GSK3B: variants seen among roughly 807,000 people sequenced by gnomAD.
GSK3B encodes the protein glycogen synthase kinase 3 beta, also known as glycogen synthase kinase-3 beta.
In GSK3B, 15 loss-of-function variants were observed where a neutral mutation model predicts 56.4. The observed-to-expected ratio is 0.27, with a 90% confidence interval of 0.18 to 0.41. The LOEUF (loss-of-function observed/expected upper bound fraction) is 0.41. GSK3B is among the 10% of genes least tolerant of loss of function. The pLI, the probability that GSK3B is intolerant of heterozygous loss-of-function variation, is 1.00. For synonymous variants in GSK3B, 181 were observed against 188.9 expected (o/e 0.96, Z 0.34); for missense variants, 300 against 513.4 (o/e 0.58, Z 4.02).
intron 8 of GSK3B, among the ~76,000 whole-genome samples, chr3:119,865,459 T>C (rs1320758671): frequency 5.0e-5 from 1 of 20,044 alleles, no homozygotes; most frequent in South Asian, 2.3e-3. Flanking sequence ...TATATATATA[T>C]ATATATATTT....
chr3:120,013,047 A>T (rs1241869295), intron 1 of GSK3B, among the ~76,000 whole-genome samples: 1 of 152,098 alleles, frequency 6.6e-6, no homozygotes, highest in Non-Finnish European at 1.5e-5. Context: ...TAATACACAC[A>T]GCCTAGTTCT....
intron 2 of GSK3B, among the ~76,000 whole-genome samples, chr3:119,995,660 G>A (rs1692636731): frequency 2.6e-5 from 4 of 151,402 alleles, no homozygotes; most frequent in Admixed American, 1.3e-4. Flanking sequence ...TCCTCACATC[G>A]TGATCCACCC....
intron 1 of GSK3B, among the ~76,000 whole-genome samples, chr3:120,048,180 A>T (rs1221534688): frequency 6.6e-6 from 1 of 152,244 alleles, no homozygotes; most frequent in Non-Finnish European, 1.5e-5. Flanking sequence ...ACCTCAACTT[A>T]TAGGAAAAGA....
intron 2 of GSK3B, among the ~76,000 whole-genome samples, chr3:119,979,800 T>C (rs996824556): frequency 1.3e-5 from 2 of 152,150 alleles, no homozygotes; most frequent in East Asian, 3.8e-4. Context: ...GCACCACAAA[T>C]CCCATTTTGG....
chr3:119,950,742 G>A (rs1280491514), intron 2 of GSK3B, among the ~76,000 whole-genome samples: 1 of 152,144 alleles, frequency 6.6e-6, no homozygotes, highest in Non-Finnish European at 1.5e-5. Flanking sequence ...TCTGGAAACT[G>A]AGCAAAGGCA....
rs547293372 is a variant in GSK3B, at chr3:120,074,743, C to A, written c.88+18604G>T. On this transcript the variant is annotated intron_variant, in intron 1 of 10. Transcript: ENST00000264235. The stretch of plus-strand genomic sequence containing the variant: ...ATAGAAAACCTAAATAGACCCATAA[C>A]AAACAAAAAGATTGAACCAGTGGTA... Among the ~76,000 whole-genome samples, 10 of 152,230 alleles carry A rather than the reference C, an allele frequency of 6.6e-5. No individual in the cohort carries two copies. In the South Asian group the frequency reaches 2.1e-3, roughly 32 times the overall value.
intron 6 of GSK3B, among the ~76,000 whole-genome samples, chr3:119,912,193 G>A (rs146394382): frequency 2.6e-5 from 4 of 152,230 alleles, no homozygotes; most frequent in Non-Finnish European, 5.9e-5. Flanking sequence ...GAGGCCTGAG[G>A]ATAGGAAGAG....
chr3:119,934,138 C>T (rs1365285058), intron 3 of GSK3B, among the ~76,000 whole-genome samples: 1 of 152,196 alleles, frequency 6.6e-6, no homozygotes, highest in African/African-American at 2.4e-5. Context: ...TAATTCCCAC[C>T]TTAGGTGTAG....
rs1040856623 is a variant in GSK3B, at chr3:120,074,415, G to A, written c.88+18932C>T. 2.7e-5 allele frequency among the ~76,000 whole-genome samples: 4 copies of A among 148,864 alleles called. No homozygotes were observed. In the South Asian group the frequency reaches 6.4e-4, roughly 24 times the overall value. On this transcript the variant is annotated intron_variant, in intron 1 of 10. Coordinates refer to ENST00000264235, the MANE Select transcript of GSK3B (RefSeq NM_001146156.2). ...CACCCAGGCTGGAGTGCAGTGGCAC[G>A]ATCTTGGCTTACTGCAACTTCCACC...
chr3:120,066,465 T>G (rs529632158), intron 1 of GSK3B, among the ~76,000 whole-genome samples: 1 of 152,110 alleles, frequency 6.6e-6, no homozygotes, highest in Non-Finnish European at 1.5e-5. Context: ...AAACATCAAA[T>G]ATACTCAAAA....
At chr3:120,071,971 T>A (rs2058330161) in intron 1 of GSK3B, among the ~76,000 whole-genome samples, 1 of 152,342 alleles carries the variant, frequency 6.6e-6, no homozygotes, top group South Asian at 2.1e-4. Flanking sequence ...TTTCCATTAG[T>A]CTTCCAGTTA....
chr3:120,002,339 A>G (rs780436435), intron 1 of GSK3B, 100 bp from the exon 2 acceptor site: 30 of 567,510 alleles, frequency 5.3e-5, no homozygotes, highest in Middle Eastern at 4.7e-4. Flanking sequence ...TTTATTTTTT[A>G]TTTTATTTTT....
At chr3:119,871,780 C>G (rs947392605) in intron 8 of GSK3B, among the ~76,000 whole-genome samples, 1 of 152,104 alleles carries the variant, frequency 6.6e-6, no homozygotes, top group Admixed American at 6.6e-5. Flanking sequence ...ACCAGAAAAT[C>G]CAGCATGGCT....
chr3:119,880,612 G>C (rs575448765), intron 7 of GSK3B, among the ~76,000 whole-genome samples: 2 of 152,132 alleles, frequency 1.3e-5, no homozygotes, highest in South Asian at 2.1e-4. Context: ...AATCAAAAAG[G>C]AATCTAGTTA....
rs2056595092 is a variant in GSK3B at position 119,898,656 on chromosome 3, T to C, written c.813+7099A>G. On this transcript the variant is annotated intron_variant, in intron 7 of 10. Coordinates refer to ENST00000264235, the MANE Select transcript of GSK3B (RefSeq NM_001146156.2). ...AGCTACAGATGAATCAGATGGTTTTTCCACCACCCTACTCTTCCTGTATAT... is the reference window on the plus strand; with the variant it reads ...AGCTACAGATGAATCAGATGGTTTTCCCACCACCCTACTCTTCCTGTATAT... 2.0e-5 allele frequency among the ~76,000 whole-genome samples: 3 copies of C among 152,152 alleles called. No individual in the cohort carries two copies. In the South Asian group the frequency reaches 6.2e-4, roughly 32 times the overall value.
intron 2 of GSK3B, among the ~76,000 whole-genome samples, chr3:119,996,723 G>T (rs558568240): frequency 6.6e-6 from 1 of 151,760 alleles, no homozygotes; most frequent in East Asian, 1.9e-4. Context: ...CAAAGTATTT[G>T]ACATATTCTT....
At chr3:119,980,219 T>C (rs1246466586) in intron 2 of GSK3B, among the ~76,000 whole-genome samples, 1 of 152,240 alleles carries the variant, frequency 6.6e-6, no homozygotes, top group African/African-American at 2.4e-5. Context: ...ATCTTAAAAG[T>C]TGCCAGCATA....
intron 1 of GSK3B, among the ~76,000 whole-genome samples, chr3:120,065,253 T>A (rs2058269297): frequency 6.6e-6 from 1 of 152,024 alleles, no homozygotes; most frequent in Non-Finnish European, 1.5e-5. Flanking sequence ...TAAAGAACAC[T>A]TAAAACTCAA....
At chr3:119,979,347 G>A (rs541790740) in intron 2 of GSK3B, among the ~76,000 whole-genome samples, 37 of 151,862 alleles carry the variant, frequency 2.4e-4, no homozygotes, top group African/African-American at 7.7e-4. Context: ...TCCTTCCTCC[G>A]AAACTCCTTT....
Sources: allele counts gnomAD v4.1 joint callset (sites outside exome capture counted in the v4.1 genomes callset), GRCh38; gene constraint gnomAD v4.1.1; transcripts MANE v1.5; gene names NCBI Gene and HGNC (gene_info 2026-07-23, HGNC 2026-07-21).